The following PPP6R3 variants were observed in gnomAD, a reference collection of about 807,000 sequenced individuals.
The protein encoded by PPP6R3 is protein phosphatase 6 regulatory subunit 3.
A neutral mutation model predicts 110.7 loss-of-function variants in PPP6R3; 38 were observed. That is an observed-to-expected ratio of 0.34 (90% CI 0.26 to 0.45). The LOEUF (loss-of-function observed/expected upper bound fraction) is 0.45. Among genes scored for constraint, PPP6R3 ranks in the 20% least tolerant of loss-of-function variants. The probability of loss-of-function intolerance (pLI) is 1.00; values close to 1 mark genes in which losing one functional copy is unlikely to be tolerated. For missense variants in PPP6R3, 870 were observed against 1,062.4 expected (o/e 0.82, Z 2.52); for synonymous variants, 369 against 373.5 (o/e 0.99, Z 0.14).
intron 1 of PPP6R3, among the ~76,000 whole-genome samples, chr11:68,496,505 C>T (rs1230407914): frequency 1.3e-5 from 2 of 152,008 alleles, no homozygotes; most frequent in African/African-American, 2.4e-5. Flanking sequence ...GACAGTCTTA[C>T]TCTGTCACCC....
intron 2 of PPP6R3, among the ~76,000 whole-genome samples, chr11:68,527,559 A>T (rs1329085842): frequency 6.6e-6 from 1 of 152,186 alleles, no homozygotes; most frequent in African/African-American, 2.4e-5. Flanking sequence ...CTCTGTTGAG[A>T]GTGTACTAAC....
chr11:68,521,212 ATTAAG>A (rs756566491), intron 2 of PPP6R3, among the ~76,000 whole-genome samples: 28 of 152,312 alleles, frequency 1.8e-4, no homozygotes, highest in East Asian at 1.7e-3. Context: ...AGAGCATCTC[ATTAAG>A]TTATTTTAGG....
At chr11:68,467,679 G>A (rs776515670) in intron 1 of PPP6R3, among the ~76,000 whole-genome samples, 3 of 152,214 alleles carry the variant, frequency 2.0e-5, no homozygotes, top group Non-Finnish European at 2.9e-5. Flanking sequence ...TGGGCGTAGC[G>A]GGAGGAACAC....
intron 2 of PPP6R3, among the ~76,000 whole-genome samples, chr11:68,536,658 T>C (rs2099272636): frequency 6.6e-6 from 1 of 152,232 alleles, no homozygotes; most frequent in African/African-American, 2.4e-5. Flanking sequence ...AAATAGCATG[T>C]GGATATTCAT....
intron 22 of PPP6R3, among the ~76,000 whole-genome samples, chr11:68,604,816 AC>A (rs1463797249): frequency 6.6e-6 from 1 of 152,216 alleles, no homozygotes; most frequent in African/African-American, 2.4e-5. Flanking sequence ...TATATTGAAG[AC>A]CTGAATATAA....
intron 1 of PPP6R3, among the ~76,000 whole-genome samples, chr11:68,461,898 A>G (rs190386494): frequency 2.8e-4 from 43 of 152,192 alleles, no homozygotes; most frequent in African/African-American, 9.2e-4. Context: ...CAGGTTTCCA[A>G]CCACCGAACT....
chr11:68,461,223 G>T (rs2098703520), intron 1 of PPP6R3, among the ~76,000 whole-genome samples: 1 of 151,706 alleles, frequency 6.6e-6, no homozygotes, highest in African/African-American at 2.4e-5. Context: ...CCCGCGCCCG[G>T]TCTCCGCTCC....
rs745411251 is a variant in PPP6R3 at position 68,591,639 on chromosome 11, T to C, written c.1849T>C (p.Ser617Pro). ...ERIQQFDDGGSDEEDIWEEKH... is the reference protein window; with the variant it reads ...ERIQQFDDGGPDEEDIWEEKH... ...AATACAACAGTTTGATGATGGTGGC[T>C]CTGATGAGGAAGATATATGGGAGGA... The change falls in exon 18 of 24, where the codon TCT becomes CCT. Residue 617 changes from serine (S) to proline (P), a missense_variant. By Grantham distance (74) the Ser-to-Pro change is moderately conservative. Coordinates refer to ENST00000393800, the MANE Select transcript of PPP6R3 (RefSeq NM_001164161.2). 9.3e-6 allele frequency: 15 copies of C among 1,613,372 alleles called. No homozygotes were observed. The highest frequency in any genetic ancestry group is 1.3e-5 in the Non-Finnish European group (15 of 1,179,704).
chr11:68,514,250 T>A (rs1327410033), intron 1 of PPP6R3, among the ~76,000 whole-genome samples: 1 of 152,114 alleles, frequency 6.6e-6, no homozygotes, highest in Non-Finnish European at 1.5e-5. Context: ...ACTTTTTTTT[T>A]TGTAGGGGTG....
At chr11:68,481,502 A>G (rs750211391) in intron 1 of PPP6R3, among the ~76,000 whole-genome samples, 1 of 152,264 alleles carries the variant, frequency 6.6e-6, no homozygotes, top group Non-Finnish European at 1.5e-5. Flanking sequence ...CAAGCTTGAT[A>G]ATCTTTCAGG....
chr11:68,536,186 A>T (rs192573387), intron 2 of PPP6R3, among the ~76,000 whole-genome samples: 16 of 149,236 alleles, frequency 1.1e-4, no homozygotes, highest in Admixed American at 2.7e-4. Flanking sequence ...TTTAAAAAAC[A>T]TTTTTTTTTT....
chr11:68,470,391 G>C (rs2153233318), intron 1 of PPP6R3, among the ~76,000 whole-genome samples: 2 of 152,214 alleles, frequency 1.3e-5, no homozygotes, highest in Middle Eastern at 3.4e-3. Context: ...CATGTCTGCT[G>C]TGTTGGAGGG....
At chr11:68,609,773 T>C (rs911527290) in intron 22 of PPP6R3, 131 bp from the exon 23 acceptor site, 2 of 1,552,698 alleles carry the variant, frequency 1.3e-6, no homozygotes, top group African/African-American at 2.7e-5. Flanking sequence ...ACCCTGCGCA[T>C]GCTCAGTCCC....
chr11:68,509,510 T>C (rs557837647), intron 1 of PPP6R3, among the ~76,000 whole-genome samples: 187 of 151,636 alleles, frequency 1.2e-3, no homozygotes, highest in African/African-American at 3.9e-3. Context: ...GCTTAATTTT[T>C]TCTGTAGCCA....
intron 9 of PPP6R3, 140 bp from the exon 10 acceptor site, chr11:68,566,874 G>C: frequency 1.7e-6 from 1 of 591,344 alleles, no homozygotes. Context: ...AAGATATCAA[G>C]AGCAGCTTTA....
intron 1 of PPP6R3, among the ~76,000 whole-genome samples, chr11:68,517,179 T>G (rs2099141425): frequency 6.6e-6 from 1 of 152,118 alleles, no homozygotes; most frequent in Non-Finnish European, 1.5e-5. Flanking sequence ...ATTTTAGGCT[T>G]TCAATTTTCT....
At chr11:68,611,887 C>T (rs1943627470) in intron 23 of PPP6R3, among the ~76,000 whole-genome samples, 1 of 152,220 alleles carries the variant, frequency 6.6e-6, no homozygotes, top group Admixed American at 6.5e-5. Context: ...ACCACAGTTC[C>T]TTGGATTGGC....
intron 23 of PPP6R3, among the ~76,000 whole-genome samples, chr11:68,611,415 A>G (rs1017450088): frequency 4.6e-5 from 7 of 152,212 alleles, no homozygotes; most frequent in African/African-American, 1.7e-4. Flanking sequence ...AATTGTTTGC[A>G]TAAGGGGAAG....
chr11:68,575,584 G>C (rs886224306), intron 13 of PPP6R3, among the ~76,000 whole-genome samples: 1 of 152,126 alleles, frequency 6.6e-6, no homozygotes, highest in African/African-American at 2.4e-5. Flanking sequence ...CCCCCGACAC[G>C]TTAAACACCT....
Sources: allele counts gnomAD v4.1 joint callset (sites outside exome capture counted in the v4.1 genomes callset), GRCh38; gene constraint gnomAD v4.1.1; transcripts MANE v1.5; gene names NCBI Gene and HGNC (gene_info 2026-07-23, HGNC 2026-07-21).